MAP3K14: variants seen among roughly 807,000 people sequenced by gnomAD.
MAP3K14 encodes NF-kappa-beta-inducing kinase.
In MAP3K14, 16 loss-of-function variants were observed where a neutral mutation model predicts 99.2. The ratio of observed to expected loss-of-function variants is 0.16; its 90% confidence interval spans 0.11 to 0.24. The LOEUF (loss-of-function observed/expected upper bound fraction) is 0.24. Ranked by LOEUF, MAP3K14 falls within the 10% of genes least tolerant of loss-of-function variation. The pLI is 1.00. For synonymous variants in MAP3K14, 462 were observed against 492.4 expected (o/e 0.94, Z 0.82); for missense variants, 784 against 1,208.7 (o/e 0.65, Z 5.21).
intron 6 of MAP3K14, among the ~76,000 whole-genome samples, chr17:45,283,107 T>G (rs1408949619): frequency 1.3e-5 from 2 of 152,190 alleles, no homozygotes; most frequent in Non-Finnish European, 2.9e-5. Context: ...ATATTAGGGT[T>G]GTTTACCTTG....
intron 1 of MAP3K14, among the ~76,000 whole-genome samples, chr17:45,316,084 T>C (rs2044529332): frequency 6.6e-6 from 1 of 152,234 alleles, no homozygotes. Flanking sequence ...CGATCAAAAG[T>C]AGTTTTACCA....
At chr17:45,307,083 C>T (rs1182428378) in intron 1 of MAP3K14, among the ~76,000 whole-genome samples, 7 of 152,058 alleles carry the variant, frequency 4.6e-5, no homozygotes, top group Non-Finnish European at 8.8e-5. Context: ...CATGGCAAAA[C>T]GCTGCCTCCA....
chr17:45,298,597 A>G lies in MAP3K14; in HGVS notation c.-20-7832T>C, dbSNP rs571478054. 1.6e-4 allele frequency among the ~76,000 whole-genome samples: 24 copies of G among 152,356 alleles called. 1 individual carries two copies. Among genetic ancestry groups the G allele is most frequent in the Middle Eastern group, 3.4e-3 (1 of 294 alleles). On this transcript the variant is annotated intron_variant, in intron 1 of 15. Coordinates refer to ENST00000344686, the MANE Select transcript of MAP3K14 (RefSeq NM_003954.5). ...ATAATCACTTCTAGGCACCCGATAA[A>G]GAGCCTCCAAATCCAATGACTGGAG...
chr17:45,267,885 C>A lies in MAP3K14; in HGVS notation c.1973-126G>T. 1 of 779,878 alleles carries A rather than the reference C, an allele frequency of 1.3e-6. No individual in the cohort carries two copies. Among genetic ancestry groups the A allele is most frequent in the East Asian group, 2.6e-5 (1 of 38,706 alleles). 48.3% of individuals were successfully genotyped at this position (779,878 alleles called of 1,614,324 possible). A position where few individuals can be genotyped will look rare whatever the true frequency, so the allele number is the denominator to read the frequency against. ...ACAAAGGGGAGGACACTGCCCCGGG[C>A]CACCATGGGAGGTGGCTCCAGAGGG... is the stretch of plus-strand genomic sequence containing the variant. On this transcript the variant is annotated intron_variant, in intron 11 of 15. Coordinates refer to ENST00000344686, the MANE Select transcript of MAP3K14 (RefSeq NM_003954.5). This position sits in a 1 kb window ranked among gnomAD's most constrained non-coding sequence, Gnocchi z 5.1.
intron 6 of MAP3K14, 97 bp downstream of exon 6, chr17:45,284,715 C>T (rs915601449): frequency 2.7e-5 from 38 of 1,430,358 alleles, no homozygotes; most frequent in South Asian, 9.9e-5. Flanking sequence ...GTCAGACCCA[C>T]GGCCACCCTG....
chr17:45,266,566 C>A lies in MAP3K14; in HGVS notation c.2549G>T (p.Arg850Leu). The change falls in exon 14 of 16, where the codon CGG becomes CTG. Residue 850 changes from arginine (R) to leucine (L), a missense_variant. Arg to Leu is a moderately radical substitution (Grantham distance 102). Coordinates refer to ENST00000344686, the MANE Select transcript of MAP3K14 (RefSeq NM_003954.5). ...GAAATAGCTTGGGGTGTCGGTGGGC[C>A]GCCCCCGGGCCAGCACCATGTTCCA... ...SSWNMVLARG[R>L]PTDTPSYFNG... 2 of 1,612,628 alleles carry A rather than the reference C, an allele frequency of 1.2e-6. No individual in the cohort carries two copies. The highest frequency in any genetic ancestry group is 2.2e-5 in the South Asian group (2 of 91,020).
chr17:45,294,943 CAGAA>C (rs1598259974), intron 1 of MAP3K14, among the ~76,000 whole-genome samples: 1 of 152,232 alleles, frequency 6.6e-6, no homozygotes. Flanking sequence ...TCCAGCATTG[CAGAA>C]AGTTCTATTG....
At chr17:45,285,083 C>G in intron 5 of MAP3K14, 134 bp from the exon 6 acceptor site, 1 of 972,214 alleles carries the variant, frequency 1.0e-6, no homozygotes, top group South Asian at 1.7e-5. Context: ...CCAGGCAGCC[C>G]TGGGGCGAAG....
At position 45,267,905 on chromosome 17, in the gene MAP3K14, A is replaced by G; in HGVS notation, c.1973-146T>C. 1 of 671,636 alleles carries G rather than the reference A, an allele frequency of 1.5e-6. No homozygotes were observed. Among genetic ancestry groups the G allele is most frequent in the African/African-American group, 1.8e-5 (1 of 54,900 alleles). 41.6% of individuals were successfully genotyped at this position (671,636 alleles called of 1,614,324 possible). ...CCGGGCCACCATGGGAGGTGGCTCCAGAGGGCAGCATGGTGGTCTCCACAG... is the reference window on the plus strand; with the variant it reads ...CCGGGCCACCATGGGAGGTGGCTCCGGAGGGCAGCATGGTGGTCTCCACAG... On this transcript the variant is annotated intron_variant, in intron 11 of 15. Coordinates refer to ENST00000344686, the MANE Select transcript of MAP3K14 (RefSeq NM_003954.5). This position sits in a 1 kb window ranked among gnomAD's most constrained non-coding sequence, Gnocchi z 5.1.
intron 6 of MAP3K14, among the ~76,000 whole-genome samples, chr17:45,279,493 C>T (rs926163624): frequency 2.0e-5 from 3 of 150,518 alleles, no homozygotes; most frequent in Non-Finnish European, 4.4e-5. Context: ...AGTGCAGTGG[C>T]ATGATCTTGG....
intron 6 of MAP3K14, among the ~76,000 whole-genome samples, chr17:45,280,646 G>A (rs1008251075): frequency 2.6e-5 from 4 of 151,528 alleles, no homozygotes; most frequent in African/African-American, 9.7e-5. Flanking sequence ...GTCTCATTCT[G>A]TTGCCCAGGC....
At chr17:45,270,280 G>T (rs1598243394) in intron 11 of MAP3K14, 133 bp downstream of exon 11, 1 of 1,142,494 alleles carries the variant, frequency 8.8e-7, no homozygotes, top group Non-Finnish European at 1.2e-6. Context: ...CCCTGAGGCT[G>T]CTGCACCCCC....
chr17:45,265,297 G>A lies in MAP3K14; in HGVS notation c.2579-34C>T, dbSNP rs780400879. The stretch of plus-strand genomic sequence containing the variant: ...CGGACAAGGTGATAGTCAGGAGAGC[G>A]GCTGCTGGCTCCCCAAGGACCAGGG... On this transcript the variant is annotated intron_variant, in intron 14 of 15. Transcript: ENST00000344686. The A allele has an allele frequency of 6.3e-6, 9 of 1,419,710 alleles. No individual in the cohort carries two copies. In the Middle Eastern group the frequency reaches 5.3e-4, roughly 83 times the overall value. 87.9% of individuals were successfully genotyped at this position (1,419,710 alleles called of 1,614,324 possible). A position where few individuals can be genotyped will look rare whatever the true frequency, so the allele number is the denominator to read the frequency against.
chr17:45,313,059 C>T (rs980063300), intron 1 of MAP3K14, among the ~76,000 whole-genome samples: 5 of 152,098 alleles, frequency 3.3e-5, no homozygotes, highest in African/African-American at 1.2e-4. Flanking sequence ...AGAGCCTGGA[C>T]CTTTGTAGCC....
At position 45,264,602 on chromosome 17, in the gene MAP3K14, T is replaced by C; in HGVS notation, c.*34A>G. The C allele has an allele frequency of 1.9e-6, 3 of 1,539,418 alleles. No individual in the cohort carries two copies. Among genetic ancestry groups the C allele is most frequent in the Non-Finnish European group, 2.6e-6 (3 of 1,142,112 alleles). ...TCGTGCACCGAGCAGGAAGGCTGCT[T>C]CCGGCAGTGTGGAGCCGGCGGTGGA... On this transcript the variant is annotated 3_prime_UTR_variant, in exon 16 of 16. Transcript: ENST00000344686.
At position 45,274,476 on chromosome 17, in the gene MAP3K14, C is replaced by A; in HGVS notation, c.1408G>T (p.Glu470Ter). Residue 470 changes from glutamate to a stop codon, truncating the protein, a stop_gained, in exon 7 of 16, where the codon GAG becomes TAG. Coordinates refer to ENST00000344686, the MANE Select transcript of MAP3K14 (RefSeq NM_003954.5). LOFTEE classifies it high-confidence loss of function. ...CCTGGCTCCTTACCTTCCAGCAGCT[C>A]CATGAAGATGTTGACCCAAGGCCCT... ...REGPWVNIFM[E>*]LLEGGSLGQL... The A allele has an allele frequency of 6.2e-7, 1 of 1,613,912 alleles. No individual in the cohort carries two copies. Among genetic ancestry groups the A allele is most frequent in the South Asian group, 1.1e-5 (1 of 91,044 alleles).
chr17:45,310,623 C>T lies in MAP3K14; in HGVS notation c.-21+6337G>A, dbSNP rs116238002. ...GAGCCAGGCAGATCAGCTAGGATAA[C>T]ACCCAGAGTATGCATGCACCTCCTG... On this transcript the variant is annotated intron_variant, in intron 1 of 15. Transcript: ENST00000344686. Among the ~76,000 whole-genome samples, 577 of 152,294 alleles carry T rather than the reference C, an allele frequency of 3.8e-3. 4 individuals are homozygous for T. The highest frequency in any genetic ancestry group is 0.013 in the African/African-American group (540 of 41,558).
chr17:45,265,138 G>A (rs778416782), intron 15 of MAP3K14, 25 bp downstream of exon 15: 92 of 1,584,556 alleles, frequency 5.8e-5, no homozygotes, highest in Admixed American at 3.8e-4. Flanking sequence ...GACTCTGCCC[G>A]TCAGAGTGTA....
chr17:45,316,793 C>A (rs937299301), intron 1 of MAP3K14, among the ~76,000 whole-genome samples, 167 bp downstream of exon 1: 8 of 151,738 alleles, frequency 5.3e-5, no homozygotes, highest in Non-Finnish European at 7.4e-5. Context: ...CGGACCGCTG[C>A]GAGTGGGTTG....
Sources: allele counts gnomAD v4.1 joint callset (sites outside exome capture counted in the v4.1 genomes callset), GRCh38; gene constraint gnomAD v4.1.1; non-coding constraint Gnocchi (gnomAD v3.1); transcripts MANE v1.5; gene names NCBI Gene and HGNC (gene_info 2026-07-23, HGNC 2026-07-21).